RIN2: variants seen among roughly 807,000 people sequenced by gnomAD.
RIN2 encodes the protein RAB5 interacting protein 2.
Under a neutral mutation model 78.0 loss-of-function variants are expected in RIN2, and 36 were observed. The observed-to-expected ratio is 0.46, with a 90% CI of 0.35 to 0.61. The LOEUF (loss-of-function observed/expected upper bound fraction) is 0.61, where lower values mean the gene tolerates loss of function less well. Among genes scored for constraint, RIN2 ranks in the 20% least tolerant of loss-of-function variants. The pLI, the probability that RIN2 is intolerant of heterozygous loss-of-function variation, is 0.00. For missense variants in RIN2, 1,087 were observed against 1,159.7 expected, an observed-to-expected ratio of 0.94 and a Z score of 0.91; for synonymous variants, 466 against 466.8, an observed-to-expected ratio of 1.00 and a Z score of 0.02.
At chr20:19,764,918 G>GTTTTTTTTTGTTTTTTTT (rs2033807757) in intron 1 of RIN2, among the ~76,000 whole-genome samples, 1 of 50,362 alleles carries the variant, frequency 2.0e-5, no homozygotes, top group Non-Finnish European at 3.6e-5. Flanking sequence ...CACTTTCTGC[G>GTTTTTTTTTGTTTTTTTT]TTTTTTTTTT....
chr20:19,912,475 C>CTTTTTTTTTTTTTT (rs545323465), intron 3 of RIN2, among the ~76,000 whole-genome samples: 33 of 110,924 alleles, frequency 3.0e-4, no homozygotes, highest in Non-Finnish European at 3.7e-4. Context: ...TTTTCTTTTT[C>CTTTTTTTTTTTTTT]TTTTTTTTTT....
At chr20:19,777,023 CTT>C (rs1188969806) in intron 1 of RIN2, among the ~76,000 whole-genome samples, 1 of 152,116 alleles carries the variant, frequency 6.6e-6, no homozygotes, top group Non-Finnish European at 1.5e-5. Flanking sequence ...GAGTTGGACT[CTT>C]TTTGTTGACA....
intron 4 of RIN2, among the ~76,000 whole-genome samples, chr20:19,940,474 C>G (rs1454827695): frequency 6.6e-6 from 1 of 152,218 alleles, no homozygotes; most frequent in East Asian, 1.9e-4. Context: ...AGTTGTGCCT[C>G]CCTGACCAGT....
intron 3 of RIN2, among the ~76,000 whole-genome samples, chr20:19,931,636 T>TC: frequency 6.6e-6 from 1 of 152,072 alleles, no homozygotes; most frequent in Non-Finnish European, 1.5e-5. Flanking sequence ...CATCCATGTA[T>TC]CTTTTTCCTT....
intron 3 of RIN2, among the ~76,000 whole-genome samples, chr20:19,929,638 A>G (rs2040364960): frequency 6.6e-6 from 1 of 152,174 alleles, no homozygotes; most frequent in Non-Finnish European, 1.5e-5. Context: ...CTGGGATTAC[A>G]GGCATGAGCC....
At chr20:19,892,360 T>A (rs1422728153) in intron 3 of RIN2, among the ~76,000 whole-genome samples, 1 of 151,948 alleles carries the variant, frequency 6.6e-6, no homozygotes, top group African/African-American at 2.4e-5. Flanking sequence ...GGATTACAGG[T>A]GCCTGCCACC....
chr20:19,925,686 A>T (rs573640481), intron 3 of RIN2, among the ~76,000 whole-genome samples: 15 of 152,384 alleles, frequency 9.8e-5, no homozygotes, highest in Non-Finnish European at 1.8e-4. Flanking sequence ...AAATGAAAAC[A>T]AAAATTATTT....
chr20:19,760,515 C>T (rs2033595627), intron 1 of RIN2, among the ~76,000 whole-genome samples: 1 of 152,168 alleles, frequency 6.6e-6, no homozygotes, highest in Non-Finnish European at 1.5e-5. Flanking sequence ...CCAAGGTGTC[C>T]TGCCATACAC....
rs559795950 is a variant in RIN2 at position 19,800,902 on chromosome 20, G to C, written c.-37+1155G>C. 3.3e-5 allele frequency among the ~76,000 whole-genome samples: 5 copies of C among 152,340 alleles called. No individual in the cohort carries two copies. The East Asian group carries it at 7.7e-4, about 23-fold the overall frequency. ...ACTTACCTAAGGCCACACAACTATT[G>C]AATGTGTTGCTGGAGTTTCAACCCA... On this transcript the variant is annotated intron_variant, in intron 2 of 12. Coordinates refer to ENST00000255006, the MANE Select transcript of RIN2 (RefSeq NM_018993.4).
chr20:19,973,742 T>C (rs564747588), intron 8 of RIN2, among the ~76,000 whole-genome samples: 3 of 151,368 alleles, frequency 2.0e-5, no homozygotes, highest in African/African-American at 7.3e-5. Flanking sequence ...TGAGCCAAGA[T>C]CGTGCCACTG....
chr20:19,948,146 C>G (rs1479153036), intron 4 of RIN2, among the ~76,000 whole-genome samples: 1 of 152,170 alleles, frequency 6.6e-6, no homozygotes, highest in Non-Finnish European at 1.5e-5. Flanking sequence ...AGCTCCAAGG[C>G]AGATGTGATA....
At chr20:19,989,516 TC>T (rs2042729994) in intron 9 of RIN2, among the ~76,000 whole-genome samples, 1 of 152,180 alleles carries the variant, frequency 6.6e-6, no homozygotes, top group African/African-American at 2.4e-5. Flanking sequence ...CCTCAAATGA[TC>T]TGCCTGCCTC....
intron 3 of RIN2, among the ~76,000 whole-genome samples, chr20:19,923,790 G>A (rs986123934): frequency 1.6e-4 from 25 of 152,006 alleles, no homozygotes; most frequent in African/African-American, 5.3e-4. Flanking sequence ...GTTATTTGAG[G>A]TATAAGGAGA....
chr20:19,863,004 C>T lies in RIN2; in HGVS notation c.-36-26562C>T, dbSNP rs1057088491. ...CATCATCTACTTTTCTCTCTTCTTT[C>T]ACCCTCTGCTCTGTGCCTACCCTTG... is the stretch of plus-strand genomic sequence containing the variant. On this transcript the variant is annotated intron_variant, in intron 2 of 12. Transcript: ENST00000255006. Among the ~76,000 whole-genome samples the T allele has an allele frequency of 1.8e-4, 27 of 152,200 alleles. 1 individual carries two copies. The highest frequency in any genetic ancestry group is 1.7e-3 in the Admixed American group (26 of 15,276).
chr20:19,801,803 A>G (rs560980438), intron 2 of RIN2, among the ~76,000 whole-genome samples: 2 of 152,322 alleles, frequency 1.3e-5, no homozygotes, highest in South Asian at 4.1e-4. Context: ...TTTCTTGATA[A>G]TAATGATGAC....
chr20:19,915,350 C>T (rs1196142916), intron 3 of RIN2, among the ~76,000 whole-genome samples: 3 of 152,130 alleles, frequency 2.0e-5, no homozygotes, highest in Non-Finnish European at 4.4e-5. Flanking sequence ...CCACTGCCAT[C>T]CCTCCTTGGC....
intron 3 of RIN2, among the ~76,000 whole-genome samples, chr20:19,926,732 T>C (rs1450365964): frequency 1.3e-5 from 2 of 152,174 alleles, no homozygotes; most frequent in Non-Finnish European, 2.9e-5. Flanking sequence ...GCCAAGGACT[T>C]GACTTTTCCC....
At position 19,900,795 on chromosome 20, in the gene RIN2, G is replaced by A. The variant is rs574972383; in HGVS notation, c.57+11137G>A. Among the ~76,000 whole-genome samples the A allele has an allele frequency of 3.3e-5, 5 of 150,994 alleles. No individual in the cohort carries two copies. The East Asian group carries it at 9.9e-4, about 30-fold the overall frequency. ...GATAAACCTCGTCTCTACTAAAAAT[G>A]CAAAATGAGCCAGGCGTGGTGGCGC... is the stretch of plus-strand genomic sequence containing the variant. On this transcript the variant is annotated intron_variant, in intron 3 of 12. Transcript: ENST00000255006.
chr20:19,856,484 G>A (rs996604818), intron 2 of RIN2, among the ~76,000 whole-genome samples: 9 of 150,264 alleles, frequency 6.0e-5, no homozygotes, highest in African/African-American at 2.2e-4. Context: ...AATGAGTCAC[G>A]ATCATGTCAC....
Sources: allele counts gnomAD v4.1 joint callset (sites outside exome capture counted in the v4.1 genomes callset), GRCh38; gene constraint gnomAD v4.1.1; transcripts MANE v1.5; gene names NCBI Gene and HGNC (gene_info 2026-07-23, HGNC 2026-07-21).